Variants in STAG1 observed in about 807,000 individuals in gnomAD.
STAG1 encodes cohesin subunit SA-1.
STAG1 carries 26 observed loss-of-function variants against 170.9 expected under a neutral mutation model. The ratio of observed to expected loss-of-function variants is 0.15; its 90% CI spans 0.11 to 0.21. The LOEUF (loss-of-function observed/expected upper bound fraction) is 0.21. Ranked by LOEUF, STAG1 falls within the 10% of genes least tolerant of loss-of-function variation. STAG1 has a pLI of 1.00. For missense variants in STAG1, 964 were observed against 1,509.5 expected (o/e 0.64, Z 5.99); for synonymous variants, 514 against 497.7 (o/e 1.03, Z -0.44).
intron 22 of STAG1, among the ~76,000 whole-genome samples, chr3:136,391,021 G>A (rs2086994302): frequency 6.6e-6 from 1 of 152,184 alleles, no homozygotes. Flanking sequence ...CTGTTTGCAG[G>A]TCAACAAGTT....
chr3:136,448,041 C>G (rs1240122251), intron 14 of STAG1, among the ~76,000 whole-genome samples: 3 of 152,106 alleles, frequency 2.0e-5, no homozygotes, highest in African/African-American at 7.2e-5. Context: ...ATTTTGTCAC[C>G]TGAAATCAAT....
At chr3:136,495,153 A>G (rs1933013389) in intron 9 of STAG1, among the ~76,000 whole-genome samples, 1 of 152,244 alleles carries the variant, frequency 6.6e-6, no homozygotes, top group Non-Finnish European at 1.5e-5. Flanking sequence ...TTTATGGTCA[A>G]TTCATCTTCA....
chr3:136,447,354 A>T (rs1418024183), intron 14 of STAG1, among the ~76,000 whole-genome samples: 1 of 151,720 alleles, frequency 6.6e-6, no homozygotes, highest in African/African-American at 2.4e-5. Flanking sequence ...CTGCAGTACC[A>T]CCTACTCAGG....
chr3:136,594,173 G>A (rs1938313881), intron 4 of STAG1, among the ~76,000 whole-genome samples: 1 of 152,084 alleles, frequency 6.6e-6, no homozygotes, highest in South Asian at 2.1e-4. Flanking sequence ...TTAACAGGTA[G>A]AATTTAAATA....
At chr3:136,628,314 G>A (rs1940193454) in intron 2 of STAG1, among the ~76,000 whole-genome samples, 1 of 152,118 alleles carries the variant, frequency 6.6e-6, no homozygotes, top group Non-Finnish European at 1.5e-5. Context: ...GTTCCAGGTA[G>A]TTCTTTATAG....
chr3:136,492,531 A>C (rs2090142818), intron 9 of STAG1, among the ~76,000 whole-genome samples: 1 of 152,180 alleles, frequency 6.6e-6, no homozygotes, highest in African/African-American at 2.4e-5. Flanking sequence ...AAGTAAATGA[A>C]AACAAAAACC....
At chr3:136,490,720 T>C (rs958581499) in intron 9 of STAG1, among the ~76,000 whole-genome samples, 16 of 152,208 alleles carry the variant, frequency 1.1e-4, no homozygotes, top group Non-Finnish European at 1.9e-4. Context: ...TATGGTATTG[T>C]ATAAGAATAG....
intron 9 of STAG1, among the ~76,000 whole-genome samples, chr3:136,484,289 T>A: frequency 6.6e-6 from 1 of 151,868 alleles, no homozygotes; most frequent in Non-Finnish European, 1.5e-5. Context: ...TTAGTTTTCC[T>A]TCTAACAGAC....
intron 28 of STAG1, among the ~76,000 whole-genome samples, chr3:136,357,169 T>C (rs190831426): frequency 2.6e-5 from 4 of 152,010 alleles, no homozygotes; most frequent in Admixed American, 2.0e-4. Flanking sequence ...AGGATGGTCT[T>C]GATCTTCTGA....
intron 14 of STAG1, among the ~76,000 whole-genome samples, chr3:136,447,596 ATTTTTTTTTTTTT>A (rs777110138): frequency 1.5e-4 from 11 of 74,276 alleles, no homozygotes; most frequent in Admixed American, 3.4e-4. Context: ...AAAGCATCAC[ATTTTTTTTTTTTT>A]TTTTTTTTTT....
intron 11 of STAG1, 35 bp from the exon 12 acceptor site, chr3:136,472,527 G>C (rs1409797055): frequency 2.0e-6 from 3 of 1,466,762 alleles, no homozygotes; most frequent in African/African-American, 1.4e-5. Flanking sequence ...AACCAACTAT[G>C]AACAGAAAAT....
chr3:136,458,529 G>A (rs1297878669), intron 13 of STAG1, among the ~76,000 whole-genome samples: 1 of 151,958 alleles, frequency 6.6e-6, no homozygotes, highest in Non-Finnish European at 1.5e-5. Flanking sequence ...GTCTATAATA[G>A]ATACACCAGA....
chr3:136,582,661 T>G (rs1025130451), intron 4 of STAG1, among the ~76,000 whole-genome samples: 3 of 152,016 alleles, frequency 2.0e-5, no homozygotes, highest in Non-Finnish European at 4.4e-5. Flanking sequence ...TAGCCAGGCG[T>G]GGTGGTGCGT....
At position 136,473,657 on chromosome 3, in the gene STAG1, A is replaced by T. The variant is rs1411078665; in HGVS notation, c.1027-20T>A. 2.5e-6 allele frequency: 4 copies of T among 1,581,274 alleles called. No homozygotes were observed. The East Asian group carries it at 9.0e-5, about 35-fold the overall frequency. ...CCCTTGCTTCAGAAATACAAATAAA[A>T]GCACAACAGAAGGAGTCAATTCCAT... On this transcript the variant is annotated intron_variant, in intron 10 of 33. Coordinates refer to ENST00000383202, the MANE Select transcript of STAG1 (RefSeq NM_005862.3).
chr3:136,638,829 G>A (rs1270884274), intron 1 of STAG1, among the ~76,000 whole-genome samples: 4 of 152,108 alleles, frequency 2.6e-5, no homozygotes, highest in Non-Finnish European at 5.9e-5. Flanking sequence ...TTGAACCCAG[G>A]AGGCGGAGGC....
At chr3:136,439,541 A>G (rs1159944637) in intron 15 of STAG1, among the ~76,000 whole-genome samples, 1 of 151,762 alleles carries the variant, frequency 6.6e-6, no homozygotes, top group African/African-American at 2.4e-5. Flanking sequence ...TACATCTCCA[A>G]CTGCTAACCA....
intron 22 of STAG1, among the ~76,000 whole-genome samples, chr3:136,384,784 A>G (rs946970274): frequency 1.3e-5 from 2 of 151,756 alleles, no homozygotes; most frequent in Middle Eastern, 3.2e-3. Flanking sequence ...AAAAAAAAAA[A>G]GTAAGTAAGA....
intron 4 of STAG1, among the ~76,000 whole-genome samples, chr3:136,569,157 A>G (rs1319085636): frequency 1.3e-5 from 2 of 152,108 alleles, no homozygotes; most frequent in Non-Finnish European, 2.9e-5. Flanking sequence ...TATTCAAACC[A>G]TATTAAGAAA....
intron 7 of STAG1, among the ~76,000 whole-genome samples, chr3:136,513,292 G>C (rs1934171616): frequency 6.6e-6 from 1 of 152,038 alleles, no homozygotes; most frequent in Non-Finnish European, 1.5e-5. Context: ...AGGAGGCATA[G>C]GTCATAGCGA....
Sources: gnomAD v4.1 joint callset for allele counts (sites outside exome capture counted in the v4.1 genomes callset) on GRCh38, gnomAD v4.1.1 for gene constraint, MANE v1.5 for transcripts, NCBI Gene and HGNC (gene_info 2026-07-23, HGNC 2026-07-21) for gene names.